Variants in ATP2C1 observed in about 807,000 individuals in gnomAD.
ATP2C1 encodes the protein ATPase secretory pathway Ca2+ transporting 1, also known as calcium-transporting ATPase type 2C member 1.
Under a neutral mutation model 120.5 loss-of-function variants are expected in ATP2C1, and 31 were observed. The observed-to-expected ratio is 0.26, with a 90% confidence interval of 0.19 to 0.35. The LOEUF is 0.35. ATP2C1 is among the 10% of genes least tolerant of loss of function. ATP2C1 has a pLI of 1.00. For missense variants in ATP2C1, 731 were observed against 1,107.5 expected (o/e 0.66, Z 4.83); for synonymous variants, 351 against 358.7 (o/e 0.98, Z 0.24).
intron 14 of ATP2C1, 79 bp downstream of exon 14, chr3:130,965,124 AGT>A: frequency 1.0e-6 from 1 of 957,860 alleles, no homozygotes; most frequent in Admixed American, 1.8e-5. Context: ...TAACAGTTCC[AGT>A]GTCTTACCTT....
At chr3:130,880,205 A>C (rs2068738104) in intron 1 of ATP2C1, among the ~76,000 whole-genome samples, 1 of 152,202 alleles carries the variant, frequency 6.6e-6, no homozygotes, top group Non-Finnish European at 1.5e-5. Context: ...CTCCTGTTAA[A>C]TATTCTACAC....
At position 130,925,576 on chromosome 3, in the gene ATP2C1, T is replaced by C. The variant is rs72628526; in HGVS notation, c.7-4840T>C. On this transcript the variant is annotated intron_variant, in intron 2 of 27. Coordinates refer to ENST00000510168, the MANE Select transcript of ATP2C1 (RefSeq NM_001378687.1). ...GTCCTCCAGCTGGGAGTTGGCACTT[T>C]CAAGAGCATATCAGCTGTGGTGCTA... Among the ~76,000 whole-genome samples the C allele has an allele frequency of 0.012, 1,772 of 152,290 alleles. 135 individuals are homozygous for C. The East Asian group carries it at 0.21, about 18-fold the overall frequency.
chr3:131,015,803 C>G (rs192943404), intron 26 of ATP2C1, among the ~76,000 whole-genome samples: 8 of 152,200 alleles, frequency 5.3e-5, no homozygotes, highest in Non-Finnish European at 1.0e-4. Flanking sequence ...GAAAAAGGCT[C>G]TACAAAGTGA....
At chr3:130,978,278 AT>A (rs1293584036) in intron 18 of ATP2C1, among the ~76,000 whole-genome samples, 3 of 151,840 alleles carry the variant, frequency 2.0e-5, no homozygotes, top group Admixed American at 6.6e-5. Flanking sequence ...TTTAACCTTG[AT>A]TTTTTTTGAG....
downstream of ATP2C1, among the ~76,000 whole-genome samples, chr3:131,006,789 A>G (rs888281416): frequency 6.6e-6 from 1 of 151,742 alleles, no homozygotes; most frequent in South Asian, 2.1e-4. Flanking sequence ...CAGCCTCTCA[A>G]GTAGCTGGGA....
rs187954328 is a variant in ATP2C1 at position 130,913,402 on chromosome 3, C to T, written c.7-17014C>T. On this transcript the variant is annotated intron_variant, in intron 2 of 27. Transcript: ENST00000510168. ...ATAAAATATTAACAGAATAGAGCCT[C>T]GTGGCATACCTAGTGGTACTGAGTT... 1.5e-3 allele frequency among the ~76,000 whole-genome samples: 227 copies of T among 152,252 alleles called. 2 individuals are homozygous for T. Among genetic ancestry groups the T allele is most frequent in the African/African-American group, 4.9e-3 (202 of 41,542 alleles).
chr3:130,992,546 G>A (rs1453702170), intron 20 of ATP2C1, among the ~76,000 whole-genome samples: 1 of 152,222 alleles, frequency 6.6e-6, no homozygotes, highest in Admixed American at 6.5e-5. Context: ...TACAGACACT[G>A]AGAAGCAGCT....
chr3:130,945,319 T>C (rs963703411), intron 8 of ATP2C1, among the ~76,000 whole-genome samples: 5 of 152,238 alleles, frequency 3.3e-5, no homozygotes, highest in African/African-American at 1.2e-4. Flanking sequence ...TTATTGACTA[T>C]GTATGCCTGG....
chr3:130,866,915 T>C (rs570937548), intron 1 of ATP2C1, among the ~76,000 whole-genome samples: 1 of 152,370 alleles, frequency 6.6e-6, no homozygotes, highest in East Asian at 1.9e-4. Flanking sequence ...AGGAAGTTCA[T>C]TGGCACTATT....
intron 1 of ATP2C1, among the ~76,000 whole-genome samples, chr3:130,886,209 T>C (rs964806313): frequency 6.6e-6 from 1 of 152,184 alleles, no homozygotes; most frequent in African/African-American, 2.4e-5. Context: ...TGCCAGACAT[T>C]TGGGAGCTCC....
Position 130,980,691 on chromosome 3 carries a change from C to G in ATP2C1, c.1839+12C>G. On this transcript the variant is annotated intron_variant, in intron 20 of 27. Coordinates refer to ENST00000510168, the MANE Select transcript of ATP2C1 (RefSeq NM_001378687.1). The stretch of plus-strand genomic sequence containing the variant: ...AAATAGTACCAAAGGTAGGCCTAAA[C>G]TAAAGCCTTTTGGACTGAAAGGCCT... The G allele has an allele frequency of 6.3e-7, 1 of 1,597,608 alleles. No homozygotes were observed. The highest frequency in any genetic ancestry group is 8.6e-7 in the Non-Finnish European group (1 of 1,165,362).
rs1445082539 is a variant in ATP2C1 at position 131,002,838 on chromosome 3, G to C, written c.*1488G>C. The C allele has an allele frequency of 1.0e-6, 1 of 985,816 alleles. No homozygotes were observed. The highest frequency in any genetic ancestry group is 1.2e-6 in the Non-Finnish European group (1 of 829,898). 61.1% of individuals were successfully genotyped at this position (985,816 alleles called of 1,614,324 possible). A position where few individuals can be genotyped will look rare whatever the true frequency, so the allele number is the denominator to read the frequency against. On this transcript the variant is annotated 3_prime_UTR_variant, in exon 28 of 28. Transcript: ENST00000510168. Reference sequence around the variant, plus strand: ...TTGAGTCATTGTTACTGAGGCAGTTGAGTGTAAGGAGCTGGCTGCAGTTTA... The same window carrying C: ...TTGAGTCATTGTTACTGAGGCAGTTCAGTGTAAGGAGCTGGCTGCAGTTTA...
At chr3:130,988,227 T>C (rs547643230) in intron 20 of ATP2C1, among the ~76,000 whole-genome samples, 1 of 152,320 alleles carries the variant, frequency 6.6e-6, no homozygotes, top group South Asian at 2.1e-4. Flanking sequence ...GACACATCTT[T>C]TCCATTAATC....
chr3:130,908,469 TAA>T (rs111613898), intron 2 of ATP2C1, among the ~76,000 whole-genome samples: 6 of 144,026 alleles, frequency 4.2e-5, no homozygotes, highest in Non-Finnish European at 6.1e-5. Flanking sequence ...TATTAGAAAT[TAA>T]AAAAAAAAAA....
intron 2 of ATP2C1, among the ~76,000 whole-genome samples, chr3:130,907,200 G>C (rs573870388): frequency 5.3e-5 from 8 of 152,100 alleles, no homozygotes; most frequent in African/African-American, 1.9e-4. Context: ...ATGTTTATAA[G>C]ATAATTATCA....
chr3:130,960,379 G>T (rs184319798), intron 12 of ATP2C1, among the ~76,000 whole-genome samples: 117 of 152,288 alleles, frequency 7.7e-4, no homozygotes, highest in African/African-American at 2.5e-3. Flanking sequence ...TCTACCTTGG[G>T]TTAAAATATC....
intron 2 of ATP2C1, among the ~76,000 whole-genome samples, chr3:130,910,280 T>C (rs2058338078): frequency 6.6e-6 from 1 of 150,900 alleles, no homozygotes; most frequent in African/African-American, 2.4e-5. Flanking sequence ...ATGCTTGTGA[T>C]TTTTGTACAT....
chr3:130,935,102 G>A (rs1019811961), intron 5 of ATP2C1, among the ~76,000 whole-genome samples: 30 of 152,144 alleles, frequency 2.0e-4, no homozygotes, highest in East Asian at 7.7e-4. Context: ...CCAAAGTGTC[G>A]AAATTACAGG....
intron 2 of ATP2C1, among the ~76,000 whole-genome samples, chr3:130,922,004 T>C (rs1040074944): frequency 1.3e-5 from 2 of 152,182 alleles, no homozygotes; most frequent in African/African-American, 4.8e-5. Context: ...GATTCCCTCT[T>C]TATCTTTAGG....
Sources: allele counts gnomAD v4.1 joint callset (sites outside exome capture counted in the v4.1 genomes callset), GRCh38; gene constraint gnomAD v4.1.1; transcripts MANE v1.5; gene names NCBI Gene and HGNC (gene_info 2026-07-23, HGNC 2026-07-21).